The following ULK4 variants were observed in gnomAD, a reference collection of about 807,000 sequenced individuals.
The protein encoded by ULK4 is unc-51 like kinase 4.
ULK4 carries 133 observed loss-of-function variants against 160.6 expected under a neutral mutation model. The ratio of observed to expected loss-of-function variants is 0.83; its 90% CI spans 0.72 to 0.96. ULK4 has a LOEUF of 0.96. Ranked by LOEUF, ULK4 falls within the 40% of genes least tolerant of loss-of-function variation. The probability of loss-of-function intolerance (pLI) is 0.00; values close to 1 mark genes in which losing one functional copy is unlikely to be tolerated. For missense variants in ULK4, 1,580 were observed against 1,499.5 expected (o/e 1.05, Z -0.89); for synonymous variants, 534 against 539.8 (o/e 0.99, Z 0.15).
At chr3:41,681,451 A>G in intron 29 of ULK4, 57 bp downstream of exon 29, 3 of 1,600,728 alleles carry the variant, frequency 1.9e-6, no homozygotes, top group Non-Finnish European at 2.6e-6. Flanking sequence ...CTAGTTTGAC[A>G]GAAGCTTCCT....
At chr3:41,764,451 CA>C (rs985209017) in intron 21 of ULK4, among the ~76,000 whole-genome samples, 18 of 151,564 alleles carry the variant, frequency 1.2e-4, no homozygotes, top group South Asian at 6.2e-4. Context: ...ACAAATCATA[CA>C]AAAAAAAGTG....
At chr3:41,750,840 A>G (rs2038596878) in intron 22 of ULK4, among the ~76,000 whole-genome samples, 1 of 151,700 alleles carries the variant, frequency 6.6e-6, no homozygotes, top group South Asian at 2.1e-4. Flanking sequence ...AAATACAAAA[A>G]TTAGCTGGAT....
chr3:41,431,959 T>A (rs2082924268), intron 34 of ULK4, among the ~76,000 whole-genome samples: 1 of 151,842 alleles, frequency 6.6e-6, no homozygotes, highest in Non-Finnish European at 1.5e-5. Flanking sequence ...CCGGCTAATT[T>A]TTATGTATTT....
At chr3:41,386,816 T>C (rs979967793) in intron 35 of ULK4, among the ~76,000 whole-genome samples, 2 of 152,166 alleles carry the variant, frequency 1.3e-5, no homozygotes, top group Non-Finnish European at 2.9e-5. Context: ...AAATGAGACA[T>C]GTTCAGATGG....
intron 30 of ULK4, among the ~76,000 whole-genome samples, chr3:41,661,514 A>G (rs2035163801): frequency 6.7e-6 from 1 of 150,368 alleles, no homozygotes; most frequent in Admixed American, 6.6e-5. Flanking sequence ...GATAGATGAT[A>G]GATAGATAGA....
intron 29 of ULK4, among the ~76,000 whole-genome samples, chr3:41,677,640 C>T (rs576633005): frequency 6.6e-6 from 1 of 152,216 alleles, no homozygotes; most frequent in East Asian, 1.9e-4. Flanking sequence ...CCCTAAAGTT[C>T]ATTGTTTAGC....
At chr3:41,379,078 C>A (rs1040269151) in intron 35 of ULK4, among the ~76,000 whole-genome samples, 7 of 151,762 alleles carry the variant, frequency 4.6e-5, no homozygotes, top group Admixed American at 2.0e-4. Flanking sequence ...AAGGGGAGGG[C>A]TGGCATTAGG....
chr3:41,636,872 G>A (rs574498041), intron 30 of ULK4, among the ~76,000 whole-genome samples: 13 of 150,940 alleles, frequency 8.6e-5, no homozygotes, highest in Admixed American at 2.7e-4. Context: ...GATATATTTC[G>A]AACAGTGGAA....
intron 34 of ULK4, among the ~76,000 whole-genome samples, chr3:41,400,714 G>T (rs1413500884): frequency 6.6e-6 from 1 of 152,044 alleles, no homozygotes; most frequent in Admixed American, 6.6e-5. Context: ...GGGTTGTATG[G>T]GAGACTCATA....
intron 35 of ULK4, among the ~76,000 whole-genome samples, chr3:41,390,617 G>T (rs1280155843): frequency 6.6e-6 from 1 of 151,976 alleles, no homozygotes; most frequent in Non-Finnish European, 1.5e-5. Flanking sequence ...CCTTCATTTT[G>T]TTATGTACCC....
At chr3:41,807,662 G>C (rs557622234) in intron 19 of ULK4, among the ~76,000 whole-genome samples, 1 of 152,248 alleles carries the variant, frequency 6.6e-6, no homozygotes, top group South Asian at 2.1e-4. Flanking sequence ...ATAAATGTTA[G>C]CTTTTATTCC....
At chr3:41,547,385 G>C (rs1049033823) in intron 32 of ULK4, among the ~76,000 whole-genome samples, 1 of 152,154 alleles carries the variant, frequency 6.6e-6, no homozygotes, top group Non-Finnish European at 1.5e-5. Context: ...GAACATCTGA[G>C]GCACAGAAAG....
chr3:41,866,245 A>G (rs1017147023), intron 17 of ULK4, among the ~76,000 whole-genome samples: 7 of 152,212 alleles, frequency 4.6e-5, no homozygotes, highest in Non-Finnish European at 8.8e-5. Flanking sequence ...GTTATCGTTC[A>G]TGCTGTGTTG....
intron 35 of ULK4, among the ~76,000 whole-genome samples, chr3:41,361,718 T>C (rs190496552): frequency 2.0e-5 from 3 of 152,330 alleles, no homozygotes; most frequent in Admixed American, 2.0e-4. Context: ...CATTTTTGCA[T>C]GAGTATGAAA....
intron 30 of ULK4, among the ~76,000 whole-genome samples, chr3:41,622,981 T>C (rs1365777000): frequency 6.6e-6 from 1 of 152,172 alleles, no homozygotes; most frequent in Non-Finnish European, 1.5e-5. Context: ...TAAAACTTTA[T>C]TTATAAACAA....
chr3:41,436,042 T>C (rs1460180725), intron 34 of ULK4, among the ~76,000 whole-genome samples: 1 of 152,186 alleles, frequency 6.6e-6, no homozygotes. Context: ...GACTTTATGA[T>C]GGTGGGAAAG....
At chr3:41,950,702 A>G (rs565250726) in intron 2 of ULK4, among the ~76,000 whole-genome samples, 3 of 152,066 alleles carry the variant, frequency 2.0e-5, no homozygotes, top group South Asian at 2.1e-4. Flanking sequence ...ATTTCTATAC[A>G]TTAACAAATG....
chr3:41,746,272 CAAAAAAAAAA>C (rs34582395), intron 22 of ULK4, among the ~76,000 whole-genome samples: 1 of 45,728 alleles, frequency 2.2e-5, no homozygotes, highest in Admixed American at 2.5e-4. Flanking sequence ...CTGGAACCCA[CAAAAAAAAAA>C]AAAAAAAAAA....
chr3:41,381,533 T>C (rs2081651678), intron 35 of ULK4, among the ~76,000 whole-genome samples: 1 of 152,188 alleles, frequency 6.6e-6, no homozygotes, highest in Non-Finnish European at 1.5e-5. Context: ...CATCTCAGTG[T>C]TGTCTTAGGC....
Sources: allele counts gnomAD v4.1 joint callset (sites outside exome capture counted in the v4.1 genomes callset), GRCh38; gene constraint gnomAD v4.1.1; transcripts MANE v1.5; gene names NCBI Gene and HGNC (gene_info 2026-07-23, HGNC 2026-07-21).